CCNL2: variants seen among roughly 807,000 people sequenced by gnomAD.
The protein encoded by CCNL2 is cyclin L2.
CCNL2 carries 28 observed loss-of-function variants against 59.1 expected under a neutral mutation model. That is an observed-to-expected ratio of 0.47 (90% CI 0.35 to 0.65). The LOEUF (loss-of-function observed/expected upper bound fraction) is 0.65, where lower values mean the gene tolerates loss of function less well. CCNL2 is among the 30% of genes least tolerant of loss of function. The pLI, the probability that CCNL2 is intolerant of heterozygous loss-of-function variation, is 0.00. For synonymous variants in CCNL2, 342 were observed against 288.6 expected, an observed-to-expected ratio of 1.19 and a Z score of -1.88; for missense variants, 714 against 717.4, an observed-to-expected ratio of 1.00 and a Z score of 0.05.
chr1:1,388,204 C>T (rs1050730729), intron 8 of CCNL2, 139 bp from the exon 9 acceptor site: 1 of 670,658 alleles, frequency 1.5e-6, no homozygotes, highest in East Asian at 2.6e-5. Context: ...CCAGCTGGGA[C>T]CCAGAACTTA....
chr1:1,398,037 G>A (rs573859093), intron 3 of CCNL2, among the ~76,000 whole-genome samples, 196 bp downstream of exon 3: 13 of 152,326 alleles, frequency 8.5e-5, no homozygotes, highest in African/African-American at 2.9e-4. Context: ...CCTCACTGGA[G>A]CCCCTGCCCT....
At chr1:1,396,266 C>A (rs1272089951) in intron 3 of CCNL2, among the ~76,000 whole-genome samples, 2 of 150,592 alleles carry the variant, frequency 1.3e-5, no homozygotes, top group Non-Finnish European at 3.0e-5. Flanking sequence ...GCCGATGAGG[C>A]CATGTTTTTT....
chr1:1,399,240 G>C lies in CCNL2; in HGVS notation c.67C>G (p.Pro23Ala). 1 of 1,591,348 alleles carries C rather than the reference G, an allele frequency of 6.3e-7. No homozygotes were observed. The stretch of plus-strand genomic sequence containing the variant: ...CCTGAGGGTGCGCCCCCAGATCCCG[G>C]GGCGCCGGCCGCTGCCGCGGGAGCT... Reference protein sequence around the residue: ...SAAPAAAAGAPGSGGAPSGSQ... With the variant: ...SAAPAAAAGAAGSGGAPSGSQ... The change falls in exon 1 of 11, where the codon CCG (proline) becomes GCG (alanine). Residue 23 changes from proline (P) to alanine (A), a missense_variant. Coordinates refer to ENST00000400809, the MANE Select transcript of CCNL2 (RefSeq NM_030937.6).
intron 1 of CCNL2, 50 bp from the exon 2 acceptor site, chr1:1,398,721 T>C (rs766978924): frequency 7.1e-6 from 11 of 1,547,106 alleles, no homozygotes; most frequent in African/African-American, 1.4e-5. Context: ...TTCAAAGCCT[T>C]CGCGGCCGAA....
intron 3 of CCNL2, among the ~76,000 whole-genome samples, chr1:1,395,916 G>A (rs374096747): frequency 6.6e-6 from 1 of 151,906 alleles, no homozygotes; most frequent in East Asian, 1.9e-4. Flanking sequence ...CAGTGGCTCT[G>A]CCTGTAATCC....
In CCNL2 at chr1:1,390,580, T is replaced by C. The variant is rs778379449; in HGVS notation, c.760-17A>G. ...CAAAGGGATCTGTAAAAACAAACAC[T>C]ATCATCATTACACTTTCCTCAACTT... On this transcript the variant is annotated splice_polypyrimidine_tract_variant and intron_variant, in intron 6 of 10. Transcript: ENST00000400809. The C allele has an allele frequency of 2.5e-6, 4 of 1,589,840 alleles. No homozygotes were observed. In the East Asian group the frequency reaches 6.7e-5, roughly 27 times the overall value.
In CCNL2 at chr1:1,395,498, G is replaced by A. The variant is rs1351921373; in HGVS notation, c.490C>T (p.Leu164=). 5 of 1,613,992 alleles carry A rather than the reference G, an allele frequency of 3.1e-6. No homozygotes were observed. The highest frequency in any genetic ancestry group is 2.2e-5 in the East Asian group (1 of 44,900). ...AAATTAACATAATCTTGATCCAGTA[G>A]TAGAGGCACGGGCTTCCTGCCAGAG... ...LRDKKKPVPL[L]LDQDYVNLKN... Residue 164 remains leucine, a synonymous_variant, in exon 4 of 11, where the codon CTA becomes TTA. Coordinates refer to ENST00000400809, the MANE Select transcript of CCNL2 (RefSeq NM_030937.6).
At chr1:1,393,780 C>T (rs1644868859) in intron 4 of CCNL2, among the ~76,000 whole-genome samples, 1 of 152,210 alleles carries the variant, frequency 6.6e-6, no homozygotes, top group Admixed American at 6.5e-5. Flanking sequence ...GTCTCTGTAT[C>T]CCAGTTAACA....
chr1:1,398,722 C>A, intron 1 of CCNL2, 51 bp from the exon 2 acceptor site: 1 of 1,543,668 alleles, frequency 6.5e-7, no homozygotes, highest in Non-Finnish European at 9.0e-7. Flanking sequence ...TCAAAGCCTT[C>A]GCGGCCGAAA....
intron 3 of CCNL2, among the ~76,000 whole-genome samples, chr1:1,396,743 C>G (rs1344853519): frequency 6.7e-6 from 1 of 150,194 alleles, no homozygotes; most frequent in Non-Finnish European, 1.5e-5. Context: ...CCACACCCGG[C>G]TAATTTTTTT....
intron 10 of CCNL2, 92 bp from the exon 11 acceptor site, chr1:1,387,674 C>G: frequency 7.1e-7 from 1 of 1,416,372 alleles, no homozygotes; most frequent in Non-Finnish European, 9.6e-7. Flanking sequence ...CACACAAGCT[C>G]CAGGTTTAGA....
chr1:1,398,841 G>A, intron 1 of CCNL2, 170 bp from the exon 2 acceptor site: 2 of 1,316,516 alleles, frequency 1.5e-6, no homozygotes, highest in South Asian at 1.5e-5. Context: ...GCACTGGCGG[G>A]CGGGGAGGCC....
At chr1:1,388,419 G>A in intron 8 of CCNL2, 1 of 426,920 alleles carries the variant, frequency 2.3e-6, no homozygotes, top group Non-Finnish European at 4.6e-6. Flanking sequence ...TACTCCAGAG[G>A]CTGAAGCAGA....
Position 1,390,304 on chromosome 1 carries a change from T to C in CCNL2, c.932A>G (p.Gln311Arg), listed in dbSNP as rs141435652. ...RKHAIEEAKAQARGLLPGGTQ... is the reference protein window; with the variant it reads ...RKHAIEEAKARARGLLPGGTQ... The stretch of plus-strand genomic sequence containing the variant: ...GCCCCCAGGCAACAGGCCCCGGGCT[T>C]GGGCCTTTGCCTCTTCGATAGCGTG... Residue 311 changes from glutamine (Q) to arginine (R), a missense_variant, in exon 8 of 11, where the codon CAA becomes CGA. By Grantham distance (43) the Gln-to-Arg change is conservative (BLOSUM62 1). Coordinates refer to ENST00000400809, the MANE Select transcript of CCNL2 (RefSeq NM_030937.6). 1.1e-4 allele frequency: 182 copies of C among 1,613,966 alleles called. No individual in the cohort carries two copies. Among genetic ancestry groups the C allele is most frequent in the Non-Finnish European group, 1.5e-4 (173 of 1,179,916 alleles).
intron 5 of CCNL2, 162 bp downstream of exon 5, chr1:1,393,234 T>G (rs1199920552): frequency 3.1e-6 from 2 of 650,222 alleles, no homozygotes; most frequent in Non-Finnish European, 5.5e-6. Flanking sequence ...GTGCCCATTT[T>G]GGGAGTCTGA....
intron 3 of CCNL2, among the ~76,000 whole-genome samples, chr1:1,396,003 C>A (rs192697767): frequency 3.3e-5 from 5 of 151,114 alleles, no homozygotes; most frequent in Admixed American, 3.3e-4. Flanking sequence ...ATGGTGAAAC[C>A]CTGTCTCTAC....
chr1:1,394,641 T>C (rs1035890314), intron 4 of CCNL2, among the ~76,000 whole-genome samples: 2 of 151,246 alleles, frequency 1.3e-5, no homozygotes, highest in Non-Finnish European at 1.5e-5. Context: ...TCCCAGCTAC[T>C]TGGGAGGCTG....
chr1:1,390,703 T>C, intron 6 of CCNL2, 63 bp downstream of exon 6: 1 of 1,541,036 alleles, frequency 6.5e-7, no homozygotes, highest in Non-Finnish European at 9.0e-7. Context: ...CACAGTAAAG[T>C]TTACTGGAGG....
At chr1:1,395,246 T>G in intron 4 of CCNL2, 148 bp downstream of exon 4, 2 of 742,474 alleles carry the variant, frequency 2.7e-6, no homozygotes, top group South Asian at 4.0e-5. Flanking sequence ...TCAGGAACTA[T>G]TCTTGAGATT....
Sources: gnomAD v4.1 joint callset for allele counts (sites outside exome capture counted in the v4.1 genomes callset) on GRCh38, gnomAD v4.1.1 for gene constraint, MANE v1.5 for transcripts, NCBI Gene and HGNC (gene_info 2026-07-23, HGNC 2026-07-21) for gene names.